MROH9: variants seen among roughly 807,000 people sequenced by gnomAD.
MROH9 encodes maestro heat like repeat family member 9, also known as maestro heat-like repeat-containing protein family member 9.
In MROH9, 92 loss-of-function variants were observed where a neutral mutation model predicts 98.2. The ratio of observed to expected loss-of-function variants is 0.94; its 90% CI spans 0.79 to 1.11. The LOEUF is 1.11. Ranked by LOEUF, MROH9 falls within the 50% of genes most tolerant of loss-of-function variation. MROH9 has a pLI of 0.00. For missense variants in MROH9, 1,057 were observed against 1,014.8 expected, an observed-to-expected ratio of 1.04 and a Z score of -0.57; for synonymous variants, 397 against 368.9, an observed-to-expected ratio of 1.08 and a Z score of -0.87.
chr1:170,964,800 A>G (rs964496196), intron 6 of MROH9, among the ~76,000 whole-genome samples: 1 of 152,106 alleles, frequency 6.6e-6, no homozygotes, highest in Non-Finnish European at 1.5e-5. Flanking sequence ...TTTAAAAATA[A>G]AAGGGAGAAT....
In MROH9 at chr1:170,945,398, C is replaced by T. The variant is rs542765634; in HGVS notation, c.-37-122C>T. ...TTTAAATTTGTGATAAATTGATGCA[C>T]AGCTATAGAAAATTAACACAATCCA... is the stretch of plus-strand genomic sequence containing the variant. On this transcript the variant is annotated intron_variant, in intron 1 of 21. Coordinates refer to ENST00000367759, the MANE Select transcript of MROH9 (RefSeq NM_001163629.2). 7.4e-5 allele frequency: 47 copies of T among 638,560 alleles called. 1 individual carries two copies. The South Asian group carries it at 7.9e-4, about 11-fold the overall frequency. 39.6% of individuals were successfully genotyped at this position (638,560 alleles called of 1,614,324 possible).
At chr1:171,024,303 GGTGTGTGTGTGT>G (rs3077629) in intron 17 of MROH9, 80 bp from the exon 18 acceptor site, 7 of 669,558 alleles carry the variant, frequency 1.0e-5, no homozygotes, top group Non-Finnish European at 1.8e-5. Context: ...ATTTATATGG[GGTGTGTGTGTGT>G]GTGTGTGTGT....
At chr1:171,025,887 G>GTTT (rs1652693894) in intron 20 of MROH9, among the ~76,000 whole-genome samples, 2 of 152,132 alleles carry the variant, frequency 1.3e-5, no homozygotes, top group African/African-American at 4.8e-5. Context: ...GACTAGACAA[G>GTTT]TTTTTTATAT....
Position 171,030,976 on chromosome 1 carries a change from T to G in MROH9, c.2281+5556T>G, listed in dbSNP as rs75940205. ...TGAATCTGGGTGTGCCTGTATTGAG[T>G]GCACGTATATTTAGAATAGTTAGCT... On this transcript the variant is annotated intron_variant, in intron 20 of 21. Transcript: ENST00000367759. Among the ~76,000 whole-genome samples the G allele has an allele frequency of 3.3e-3, 510 of 152,350 alleles. 16 individuals carry two copies. In the East Asian group the frequency reaches 0.072, roughly 22 times the overall value.
chr1:170,997,746 C>G (rs1651636541), intron 14 of MROH9, among the ~76,000 whole-genome samples: 2 of 152,106 alleles, frequency 1.3e-5, no homozygotes, highest in Non-Finnish European at 2.9e-5. Flanking sequence ...CAGGGCGGTC[C>G]CAAACTCTCA....
At chr1:170,959,393 A>C in intron 4 of MROH9, 69 bp from the exon 5 acceptor site, 2 of 1,372,150 alleles carry the variant, frequency 1.5e-6, no homozygotes, top group Non-Finnish European at 2.0e-6. Context: ...TAAATAAATA[A>C]ATAAAGCCCA....
intron 16 of MROH9, chr1:171,015,152 G>T: frequency 4.6e-6 from 2 of 438,424 alleles, no homozygotes. Context: ...AATGAGCATA[G>T]TCTCTGAGAA....
At chr1:171,038,492 C>T (rs982216627) in intron 20 of MROH9, among the ~76,000 whole-genome samples, 1 of 152,130 alleles carries the variant, frequency 6.6e-6, no homozygotes, top group Non-Finnish European at 1.5e-5. Flanking sequence ...CAGTAATCTC[C>T]TCTCAAGAGA....
rs1651244215 is a variant in MROH9 at position 170,988,794 on chromosome 1, A to G, written c.880-1061A>G. Among the ~76,000 whole-genome samples the G allele has an allele frequency of 2.6e-5, 4 of 152,218 alleles. 1 individual carries two copies. In the South Asian group the frequency reaches 8.3e-4, roughly 32 times the overall value. On this transcript the variant is annotated intron_variant, in intron 10 of 21. Coordinates refer to ENST00000367759, the MANE Select transcript of MROH9 (RefSeq NM_001163629.2). ...TCAAATATTTCATCAAAATTGAAAC[A>G]GACCATCATTTTTATAACTGGACCT... is the stretch of plus-strand genomic sequence containing the variant.
At chr1:170,973,164 A>G (rs890999045) in intron 8 of MROH9, among the ~76,000 whole-genome samples, 10 of 152,158 alleles carry the variant, frequency 6.6e-5, no homozygotes, top group Admixed American at 5.9e-4. Context: ...CGAGATCTGC[A>G]GAGATCTAAA....
intron 3 of MROH9, among the ~76,000 whole-genome samples, chr1:170,954,585 A>G (rs920914456): frequency 7.2e-5 from 11 of 151,998 alleles, no homozygotes; most frequent in African/African-American, 2.4e-4. Context: ...CTGTTTTCCC[A>G]TGTGGTTGTT....
At chr1:170,996,192 G>A (rs370686428) in intron 13 of MROH9, among the ~76,000 whole-genome samples, 387 of 152,114 alleles carry the variant, frequency 2.5e-3, no homozygotes, top group Non-Finnish European at 2.9e-3. Flanking sequence ...GAAGAAAATG[G>A]ACATCTTTAG....
chr1:170,945,195 CAATTGAATTTTGCCAACAATCT>C (rs928457961), intron 1 of MROH9, among the ~76,000 whole-genome samples: 1 of 151,844 alleles, frequency 6.6e-6, no homozygotes, highest in Non-Finnish European at 1.5e-5. Context: ...CAGCCTCAAA[CAATTGAATTTTGCCAACAATCT>C]AATTGACCTG....
At chr1:170,977,312 C>G (rs1476551560) in intron 8 of MROH9, among the ~76,000 whole-genome samples, 2 of 152,196 alleles carry the variant, frequency 1.3e-5, no homozygotes, top group Non-Finnish European at 2.9e-5. Flanking sequence ...ACAAGACACT[C>G]TAGCTATTTG....
chr1:171,026,553 A>G (rs1652719140), intron 20 of MROH9, among the ~76,000 whole-genome samples: 1 of 152,182 alleles, frequency 6.6e-6, no homozygotes, highest in South Asian at 2.1e-4. Context: ...AATTACAGGC[A>G]TGAGCCACCA....
At chr1:170,956,459 T>C (rs1489706137) in intron 3 of MROH9, among the ~76,000 whole-genome samples, 1 of 152,146 alleles carries the variant, frequency 6.6e-6, no homozygotes, top group East Asian at 1.9e-4. Flanking sequence ...ATGGGATATG[T>C]TTCCTTTTGT....
At chr1:171,025,700 A>G (rs1342401775) in intron 20 of MROH9, among the ~76,000 whole-genome samples, 1 of 152,176 alleles carries the variant, frequency 6.6e-6, no homozygotes, top group African/African-American at 2.4e-5. Context: ...TTTCCCCTTC[A>G]CCACTTAAAA....
chr1:171,063,456 G>A (rs1481383892), intron 21 of MROH9, among the ~76,000 whole-genome samples: 2 of 151,968 alleles, frequency 1.3e-5, no homozygotes, highest in Non-Finnish European at 2.9e-5. Context: ...GTTTCACCGT[G>A]TTAGCCAGGA....
chr1:171,037,903 C>T (rs561355477), intron 20 of MROH9, among the ~76,000 whole-genome samples: 115 of 152,064 alleles, frequency 7.6e-4, no homozygotes, highest in African/African-American at 2.7e-3. Context: ...AATAATTTTA[C>T]TCCCATTTCA....
Sources: gnomAD v4.1 joint callset for allele counts (sites outside exome capture counted in the v4.1 genomes callset) on GRCh38, gnomAD v4.1.1 for gene constraint, MANE v1.5 for transcripts, NCBI Gene and HGNC (gene_info 2026-07-23, HGNC 2026-07-21) for gene names.